The following DLG5 variants were observed in gnomAD, a reference collection of about 807,000 sequenced individuals.
DLG5 encodes the protein discs large MAGUK scaffold protein 5, also known as disks large homolog 5.
In DLG5, 48 loss-of-function variants were observed where a neutral mutation model predicts 189.8. That is an observed-to-expected ratio of 0.25 (90% confidence interval 0.20 to 0.32). The LOEUF (loss-of-function observed/expected upper bound fraction) is 0.32. Ranked by LOEUF, DLG5 falls within the 10% of genes least tolerant of loss-of-function variation. The pLI is 1.00. For synonymous variants in DLG5, 1,016 were observed against 1,054.1 expected (o/e 0.96, Z 0.70); for missense variants, 2,160 against 2,544.7 (o/e 0.85, Z 3.25).
intron 27 of DLG5, among the ~76,000 whole-genome samples, chr10:77,803,886 ATTTTTT>A (rs71030905): frequency 3.1e-5 from 4 of 129,442 alleles, no homozygotes. Flanking sequence ...ACAGGTTGGC[ATTTTTT>A]TTTTTTTTTT....
chr10:77,873,737 C>T (rs1844995702), intron 1 of DLG5, among the ~76,000 whole-genome samples: 1 of 152,108 alleles, frequency 6.6e-6, no homozygotes, highest in African/African-American at 2.4e-5. Flanking sequence ...GAACTTGTTC[C>T]AGCCTTGAAC....
At chr10:77,801,323 G>A (rs1013443078) in intron 27 of DLG5, among the ~76,000 whole-genome samples, 2 of 152,128 alleles carry the variant, frequency 1.3e-5, no homozygotes, top group Admixed American at 1.3e-4. Context: ...ACTTCTGAAA[G>A]TAAGAACATA....
chr10:77,930,146 G>C (rs1381782746), upstream of DLG5, among the ~76,000 whole-genome samples: 1 of 151,952 alleles, frequency 6.6e-6, no homozygotes, highest in Non-Finnish European at 1.5e-5. Flanking sequence ...TTCTGCTTTG[G>C]TTTGGGCTCC....
intron 7 of DLG5, among the ~76,000 whole-genome samples, chr10:77,839,043 GCTGAAT>G (rs1286701852): frequency 6.6e-6 from 1 of 152,256 alleles, no homozygotes; most frequent in Admixed American, 6.5e-5. Context: ...CGGGCTCCAG[GCTGAAT>G]GGCTCGCCTG....
chr10:77,806,042 G>A (rs1841454904), intron 26 of DLG5, 181 bp from the exon 27 acceptor site: 3 of 572,174 alleles, frequency 5.2e-6, no homozygotes, highest in South Asian at 2.7e-5. Flanking sequence ...ATGCTGCGGG[G>A]GTGACACAAA....
rs767233309 is a variant in DLG5, at chr10:77,817,872, C to T, written c.3689G>A (p.Arg1230His). 2.6e-6 allele frequency: 4 copies of T among 1,552,098 alleles called. No individual in the cohort carries two copies. Among genetic ancestry groups the T allele is most frequent in the South Asian group, 2.4e-5 (2 of 84,060 alleles). ...GLHPSVQHQGRLSLDLSHRTC... is the reference protein window; with the variant it reads ...GLHPSVQHQGHLSLDLSHRTC... ...CCTGTGGCTCAGGTCCAGGCTCAGGCGTCCCTGGTGCTGGACACTGCGTAA... is the reference window on the plus strand; with the variant it reads ...CCTGTGGCTCAGGTCCAGGCTCAGGTGTCCCTGGTGCTGGACACTGCGTAA... The change falls in exon 18 of 32, where the codon CGC becomes CAC. Residue 1230 changes from arginine (R) to histidine (H), a missense_variant. This residue lies in a region of DLG5 where 754 missense variants were observed against 746.5 expected (regional missense o/e 1.01). Transcript: ENST00000372391.
upstream of DLG5, among the ~76,000 whole-genome samples, chr10:77,930,472 C>G (rs1032422710): frequency 3.4e-5 from 5 of 148,176 alleles, no homozygotes; most frequent in South Asian, 1.1e-3. Context: ...CTCAGCCTCC[C>G]GAGTAGCTAG....
intron 7 of DLG5, among the ~76,000 whole-genome samples, chr10:77,840,771 TGAG>T (rs1843379676): frequency 6.6e-6 from 1 of 152,044 alleles, no homozygotes; most frequent in Non-Finnish European, 1.5e-5. Context: ...ACCACATGAC[TGAG>T]GAGGGCCATC....
chr10:77,846,436 C>G lies in DLG5; in HGVS notation c.865-2730G>C, dbSNP rs139039028. On this transcript the variant is annotated intron_variant, in intron 5 of 31. Coordinates refer to ENST00000372391, the MANE Select transcript of DLG5 (RefSeq NM_004747.4). ...ACTTCAGGCCGGGCGCAGTGGCTCA[C>G]GCCTGTAATCCCAGCACTTTGGGAG... Among the ~76,000 whole-genome samples the G allele has an allele frequency of 6.3e-3, 954 of 151,446 alleles. 6 individuals are homozygous for G. Among genetic ancestry groups the G allele is most frequent in the Middle Eastern group, 0.01 (3 of 286 alleles).
chr10:77,885,123 A>G (rs1326508697), intron 1 of DLG5, among the ~76,000 whole-genome samples: 5 of 152,188 alleles, frequency 3.3e-5, no homozygotes, highest in Non-Finnish European at 7.3e-5. Flanking sequence ...TCTTCGCCCT[A>G]AAACCCTATA....
At chr10:77,842,313 G>C (rs764364444) in intron 6 of DLG5, 120 bp from the exon 7 acceptor site, 16 of 1,234,362 alleles carry the variant, frequency 1.3e-5, no homozygotes, top group Non-Finnish European at 1.8e-5. Context: ...AGTTTCAAGT[G>C]AAGTCACTCT....
chr10:77,859,876 G>A (rs1241675175), intron 2 of DLG5, among the ~76,000 whole-genome samples: 1 of 152,220 alleles, frequency 6.6e-6, no homozygotes, highest in Non-Finnish European at 1.5e-5. Context: ...CTCCTCTGCA[G>A]CTTCGAAGTC....
intron 2 of DLG5, among the ~76,000 whole-genome samples, chr10:77,862,525 G>A (rs574699313): frequency 2.6e-5 from 4 of 152,202 alleles, no homozygotes; most frequent in African/African-American, 9.7e-5. Flanking sequence ...AAGTCATGCA[G>A]CCACTTCAGA....
At chr10:77,884,998 CTCACCTTTG>C (rs1845396029) in intron 1 of DLG5, among the ~76,000 whole-genome samples, 1 of 152,192 alleles carries the variant, frequency 6.6e-6, no homozygotes, top group Non-Finnish European at 1.5e-5. Context: ...GTATCCAACG[CTCACCTTTG>C]TCACACCCAG....
At chr10:77,865,177 G>A (rs568353554) in intron 2 of DLG5, among the ~76,000 whole-genome samples, 1 of 152,198 alleles carries the variant, frequency 6.6e-6, no homozygotes, top group Non-Finnish European at 1.5e-5. Flanking sequence ...CTCCCTGGCA[G>A]TGTGATAACA....
intron 1 of DLG5, among the ~76,000 whole-genome samples, chr10:77,885,985 G>C (rs1381382885): frequency 6.6e-6 from 1 of 152,212 alleles, no homozygotes; most frequent in Non-Finnish European, 1.5e-5. Context: ...GGTCCCCCCA[G>C]ATAAGCACCT....
chr10:77,829,379 G>T lies in DLG5; in HGVS notation c.2161C>A (p.His721Asn), dbSNP rs1406662985. The T allele has an allele frequency of 9.3e-6, 15 of 1,614,150 alleles. No homozygotes were observed. Among genetic ancestry groups the T allele is most frequent in the Non-Finnish European group, 1.3e-5 (15 of 1,180,050 alleles). ...SLGGKVVTPL[H>N]INLSGQKDSG... ...CCTTTCTGTCCACTGAGGTTGATGT[G>T]CAGCGGCGTGACCACCTTCCCACCC... Residue 721 changes from histidine (H) to asparagine (N), a missense_variant, in exon 12 of 32, where the codon CAC (histidine) becomes AAC (asparagine). Transcript: ENST00000372391.
chr10:77,795,948 G>T, intron 29 of DLG5, 113 bp downstream of exon 29: 1 of 1,475,818 alleles, frequency 6.8e-7, no homozygotes, highest in Non-Finnish European at 9.4e-7. Context: ...CAACACGGTG[G>T]GCTCACTGAA....
chr10:77,806,726 C>G, intron 26 of DLG5, 32 bp downstream of exon 26: 2 of 1,501,022 alleles, frequency 1.3e-6, no homozygotes, highest in Non-Finnish European at 1.9e-6. Flanking sequence ...CGACCCCTGC[C>G]CCACCCCACC....
Sources: allele counts gnomAD v4.1 joint callset (sites outside exome capture counted in the v4.1 genomes callset), GRCh38; gene constraint gnomAD v4.1.1; regional missense constraint gnomAD v4.1.1; transcripts MANE v1.5; gene names NCBI Gene and HGNC (gene_info 2026-07-23, HGNC 2026-07-21).